Variants in INSL6 observed in about 807,000 individuals in gnomAD.
INSL6 encodes insulin-like peptide INSL6.
Under a neutral mutation model 9.4 loss-of-function variants are expected in INSL6, and 16 were observed. The ratio of observed to expected loss-of-function variants is 1.70; its 90% CI spans 1.15 to 2.59. INSL6 has a LOEUF of 2.59. Among genes scored for constraint, INSL6 ranks in the 30% most tolerant of loss-of-function variants. INSL6 has a pLI of 0.00. For missense variants in INSL6, 391 were observed against 257.3 expected (o/e 1.52, Z -3.56); for synonymous variants, 154 against 96.9 (o/e 1.59, Z -3.46).
chr9:5,144,638 T>C (rs2130889644), intron 2 of INSL6, among the ~76,000 whole-genome samples: 1 of 152,300 alleles, frequency 6.6e-6, no homozygotes, highest in Admixed American at 6.5e-5. Context: ...CTCCAAGAAT[T>C]TGCTTTATGA....
At chr9:5,114,084 A>T in the INSL6 span, 96 of 336,122 alleles carry the variant, frequency 2.9e-4, no homozygotes, top group African/African-American at 2.0e-3. Flanking sequence ...CCTCACCCAG[A>T]AGCGCTGGCT....
the INSL6 span, among the ~76,000 whole-genome samples, chr9:5,048,384 GCCT>G: frequency 6.6e-6 from 1 of 152,010 alleles, no homozygotes; most frequent in African/African-American, 2.4e-5. Context: ...CTTGTCATCT[GCCT>G]GCCTTGGCCT....
chr9:5,137,901 C>A (rs557997389), intron 2 of INSL6, among the ~76,000 whole-genome samples: 7 of 149,686 alleles, frequency 4.7e-5, no homozygotes, highest in Middle Eastern at 3.4e-3. Context: ...AGAAAAAAAA[C>A]CCATAAAAAA....
At chr9:5,094,142 T>C in the INSL6 span, 1 of 152,154 alleles carries the variant, frequency 6.6e-6, no homozygotes, top group African/African-American at 2.4e-5. Flanking sequence ...CCCACTCTAA[T>C]TGCTATAGCA....
chr9:5,058,927 T>C, the INSL6 span, among the ~76,000 whole-genome samples: 1 of 152,324 alleles, frequency 6.6e-6, no homozygotes, highest in East Asian at 1.9e-4. Context: ...ATTCTGGATA[T>C]TAATCCCTTT....
intron 1 of INSL6, among the ~76,000 whole-genome samples, chr9:5,175,939 G>T (rs1436054302): frequency 2.0e-5 from 3 of 152,104 alleles, no homozygotes; most frequent in Non-Finnish European, 4.4e-5. Flanking sequence ...CACAATAAAC[G>T]TAATGCGCTT....
chr9:5,132,912 G>C (rs548364127), intron 3 of INSL6: 1 of 152,162 alleles, frequency 6.6e-6, no homozygotes, highest in African/African-American at 2.4e-5. Flanking sequence ...GGGAATATGA[G>C]CCCTAATCAT....
chr9:5,127,934 T>C (rs1256779684), intron 3 of INSL6: 5 of 232,298 alleles, frequency 2.2e-5, no homozygotes, highest in South Asian at 1.8e-4. Flanking sequence ...AGAATGCCAG[T>C]AGAAAATTCA....
the INSL6 span, chr9:5,021,894 A>G: frequency 2.3e-6 from 2 of 884,828 alleles, no homozygotes; most frequent in Non-Finnish European, 1.8e-6. Flanking sequence ...CGGCCCCGCA[A>G]AGTGCTAGGA....
At chr9:5,051,284 T>C in the INSL6 span, among the ~76,000 whole-genome samples, 3 of 152,170 alleles carry the variant, frequency 2.0e-5, no homozygotes, top group African/African-American at 7.2e-5. Context: ...TTTCATTTAT[T>C]CTGAGAAGGC....
chr9:5,022,588 G>C, the INSL6 span, among the ~76,000 whole-genome samples: 1 of 152,316 alleles, frequency 6.6e-6, no homozygotes, highest in East Asian at 1.9e-4. Flanking sequence ...TTAAAATCTT[G>C]ATTAAATGGC....
the INSL6 span, among the ~76,000 whole-genome samples, chr9:5,117,013 CT>C: frequency 3.9e-5 from 6 of 152,152 alleles, no homozygotes; most frequent in African/African-American, 1.4e-4. Context: ...GATTAAGGCC[CT>C]TATAAGAGGC....
intron 2 of INSL6, among the ~76,000 whole-genome samples, chr9:5,156,558 G>C (rs964462926): frequency 6.6e-6 from 1 of 151,980 alleles, no homozygotes; most frequent in African/African-American, 2.4e-5. Context: ...AAAATTCTCA[G>C]CAAACAGAAT....
chr9:4,997,765 C>T, the INSL6 span, among the ~76,000 whole-genome samples: 1 of 152,134 alleles, frequency 6.6e-6, no homozygotes, highest in Non-Finnish European at 1.5e-5. Flanking sequence ...GGGAATGACT[C>T]AGAGAAGAAA....
At chr9:4,995,191 C>G in the INSL6 span, among the ~76,000 whole-genome samples, 1 of 152,198 alleles carries the variant, frequency 6.6e-6, no homozygotes, top group African/African-American at 2.4e-5. Flanking sequence ...GAACTCTTCA[C>G]TCATATCTTG....
intron 3 of INSL6, chr9:5,131,933 T>C (rs975646776): frequency 6.6e-6 from 1 of 152,216 alleles, no homozygotes; most frequent in African/African-American, 2.4e-5. Flanking sequence ...TTAAAGGCTG[T>C]TATAAATCCT....
chr9:5,077,500 C>G, the INSL6 span: 1 of 1,419,416 alleles, frequency 7.0e-7, no homozygotes, highest in Non-Finnish European at 9.4e-7. Flanking sequence ...AGATACATAT[C>G]TGAAAAAGAA....
chr9:5,136,630 A>G (rs1050005540), intron 2 of INSL6, among the ~76,000 whole-genome samples: 5 of 152,208 alleles, frequency 3.3e-5, no homozygotes, highest in Non-Finnish European at 5.9e-5. Flanking sequence ...TCAAAATCAT[A>G]AGAGCTATTT....
At chr9:5,021,307 C>T in the INSL6 span, among the ~76,000 whole-genome samples, 1 of 152,140 alleles carries the variant, frequency 6.6e-6, no homozygotes, top group African/African-American at 2.4e-5. Context: ...AGGTGAGTAC[C>T]AGATAACTCT....
Sources: allele counts gnomAD v4.1 joint callset (sites outside exome capture counted in the v4.1 genomes callset), GRCh38; gene constraint gnomAD v4.1.1; transcripts MANE v1.5; gene names NCBI Gene and HGNC (gene_info 2026-07-23, HGNC 2026-07-21).